Variants in SETD2 observed in about 807,000 individuals in gnomAD.
The protein encoded by SETD2 is SET domain containing 2, histone lysine methyltransferase.
SETD2 carries 31 observed loss-of-function variants against 242.1 expected under a neutral mutation model. The ratio of observed to expected loss-of-function variants is 0.13; its 90% confidence interval spans 0.10 to 0.17. The LOEUF (loss-of-function observed/expected upper bound fraction) is 0.17, where lower values mean the gene tolerates loss of function less well. Among genes scored for constraint, SETD2 ranks in the 10% least tolerant of loss-of-function variants. The pLI is 1.00. For synonymous variants in SETD2, 1,006 were observed against 1,066.5 expected (o/e 0.94, Z 1.11); for missense variants, 2,481 against 3,046.3 (o/e 0.81, Z 4.37).
intron 17 of SETD2, among the ~76,000 whole-genome samples, chr3:47,040,654 AGAT>A (rs1216947155): frequency 7.1e-6 from 1 of 141,542 alleles, no homozygotes; most frequent in East Asian, 2.1e-4. Flanking sequence ...GGCTCACTAC[AGAT>A]CTGACCTCCT....
In SETD2 at chr3:47,086,199, T is replaced by A; in HGVS notation, c.5393A>T (p.Glu1798Val). Reference sequence around the variant, plus strand: ...GCAAGCTAAATGTGAACTGACCTCTTCCTGAAGCTTCTGGTTACTTTCCCG... The same window carrying A: ...GCAAGCTAAATGTGAACTGACCTCTACCTGAAGCTTCTGGTTACTTTCCCG... ...DGRESNQKLQ[E>V]EIIKTLEHLP... The change falls in exon 11 of 21, where the codon GAA (glutamate) becomes GTA (valine). Residue 1798 changes from glutamate to valine, a missense_variant. Transcript: ENST00000409792. 1 of 1,612,714 alleles carries A rather than the reference T, an allele frequency of 6.2e-7. No homozygotes were observed. Among genetic ancestry groups the A allele is most frequent in the Non-Finnish European group, 8.5e-7 (1 of 1,179,054 alleles).
chr3:47,128,558 G>A (rs761018869), intron 1 of SETD2, among the ~76,000 whole-genome samples: 14 of 152,190 alleles, frequency 9.2e-5, no homozygotes, highest in Non-Finnish European at 1.9e-4. Context: ...GCCAGTGTCT[G>A]TGGTAGCCAT....
At chr3:47,042,320 C>A (rs2107538309) in intron 17 of SETD2, among the ~76,000 whole-genome samples, 1 of 152,322 alleles carries the variant, frequency 6.6e-6, no homozygotes, top group East Asian at 1.9e-4. Context: ...TGAGATCACA[C>A]CACTGTACTC....
Position 47,037,629 on chromosome 3 carries a change from C to T in SETD2, c.7350+37G>A, listed in dbSNP as rs777414704. On this transcript the variant is annotated intron_variant, in intron 18 of 20. Transcript: ENST00000409792. ...TGCGGGATGGTCTTGGACGGACTCC[C>T]AAATGATCAGGAAATACATGTGTAA... 1.0e-5 allele frequency: 16 copies of T among 1,529,212 alleles called. No homozygotes were observed. In the East Asian group the frequency reaches 3.6e-4, roughly 34 times the overall value. The allele number at this position is 1,529,212 out of a possible 1,614,324, so 94.7% of individuals were successfully genotyped here.
intron 5 of SETD2, among the ~76,000 whole-genome samples, chr3:47,111,835 T>C (rs1179135148): frequency 3.3e-5 from 5 of 151,458 alleles, no homozygotes; most frequent in Non-Finnish European, 7.4e-5. Flanking sequence ...GGGAAAACAG[T>C]GAGAAAAAAA....
chr3:47,035,050 C>T (rs1383711443), intron 18 of SETD2, among the ~76,000 whole-genome samples: 4 of 152,202 alleles, frequency 2.6e-5, no homozygotes, highest in Non-Finnish European at 4.4e-5. Flanking sequence ...TCAAACATAA[C>T]CTGACAAATA....
At position 47,017,969 on chromosome 3, in the gene SETD2, C is replaced by G. The variant is rs755385318; in HGVS notation, c.7432-230G>C. ...AGCTCCCCTGGATGGACTAAGCAAG[C>G]CTTAAAGGAGGCTGGAGGGACTCAA... On this transcript the variant is annotated intron_variant, in intron 19 of 20. Transcript: ENST00000409792. The surrounding 1 kb of genome is among the most constrained non-coding windows in gnomAD (Gnocchi z 4.8). Among the ~76,000 whole-genome samples, 1 of 152,074 alleles carries G rather than the reference C, an allele frequency of 6.6e-6. No homozygotes were observed. The highest frequency in any genetic ancestry group is 2.4e-5 in the African/African-American group (1 of 41,390).
At chr3:47,061,305 C>G (rs1258762892) in intron 14 of SETD2, among the ~76,000 whole-genome samples, 2 of 152,110 alleles carry the variant, frequency 1.3e-5, no homozygotes, top group Non-Finnish European at 2.9e-5. Context: ...GGCATAAAAA[C>G]AGACACATAG....
In SETD2 at chr3:47,120,178, T is replaced by A. The variant is rs2107738764; in HGVS notation, c.4454+4A>T. On this transcript the variant is annotated splice_donor_region_variant and intron_variant, in intron 3 of 20. Coordinates refer to ENST00000409792, the MANE Select transcript of SETD2 (RefSeq NM_014159.7). ...TTTGTCAAACAAGTATTAATTAGACTTACCTTTCTGTTAAATAAACATTTT... is the reference window on the plus strand; with the variant it reads ...TTTGTCAAACAAGTATTAATTAGACATACCTTTCTGTTAAATAAACATTTT... 2 of 1,521,124 alleles carry A rather than the reference T, an allele frequency of 1.3e-6. No homozygotes were observed. Among genetic ancestry groups the A allele is most frequent in the South Asian group, 1.3e-5 (1 of 76,838 alleles). 94.2% of individuals were successfully genotyped at this position (1,521,124 alleles called of 1,614,324 possible). A position where few individuals can be genotyped will look rare whatever the true frequency, so the allele number is the denominator to read the frequency against.
chr3:47,162,985 T>C (rs576762715), intron 1 of SETD2, among the ~76,000 whole-genome samples: 14 of 152,198 alleles, frequency 9.2e-5, no homozygotes, highest in Non-Finnish European at 1.8e-4. Flanking sequence ...CTTTAGAGAA[T>C]CCTCAAACGA....
rs2107588268 is a variant in SETD2 at position 47,062,144 on chromosome 3, A to G, written c.6293+19T>C. 1 of 1,600,236 alleles carries G rather than the reference A, an allele frequency of 6.2e-7. No individual in the cohort carries two copies. Among genetic ancestry groups the G allele is most frequent in the Non-Finnish European group, 8.5e-7 (1 of 1,176,152 alleles). On this transcript the variant is annotated intron_variant, in intron 14 of 20. Coordinates refer to ENST00000409792, the MANE Select transcript of SETD2 (RefSeq NM_014159.7). Reference sequence around the variant, plus strand: ...TCAAAACAAAAACAAAAACAAAAAAACTCACACAGGCCACTTACCTGTCAT... The same window carrying G: ...TCAAAACAAAAACAAAAACAAAAAAGCTCACACAGGCCACTTACCTGTCAT...
intron 13 of SETD2, among the ~76,000 whole-genome samples, chr3:47,066,744 T>C (rs1457021296): frequency 7.0e-6 from 1 of 142,604 alleles, no homozygotes; most frequent in African/African-American, 2.5e-5. Flanking sequence ...AAAAAAAAAA[T>C]CAAAATCACA....
At chr3:47,157,026 T>C (rs1276479458) in intron 1 of SETD2, among the ~76,000 whole-genome samples, 2 of 152,054 alleles carry the variant, frequency 1.3e-5, no homozygotes, top group Admixed American at 1.3e-4. Flanking sequence ...CCAGCACTTT[T>C]GGGAAGCCGA....
chr3:47,120,136 C>CA (rs752942445), intron 3 of SETD2, 46 bp downstream of exon 3: 5 of 1,409,188 alleles, frequency 3.5e-6, no homozygotes, highest in South Asian at 1.4e-5. Flanking sequence ...TTTCTAACAA[C>CA]AAAAAAAGAG....
intron 12 of SETD2, 38 bp from the exon 13 acceptor site, chr3:47,067,156 G>C: frequency 6.9e-7 from 1 of 1,454,954 alleles, no homozygotes; most frequent in Non-Finnish European, 9.7e-7. Context: ...TATTAGTGAG[G>C]GTGGAAATGG....
At chr3:47,051,702 T>A (rs149538214) in intron 15 of SETD2, among the ~76,000 whole-genome samples, 100 of 150,320 alleles carry the variant, frequency 6.7e-4, no homozygotes, top group African/African-American at 2.3e-3. Context: ...TATAAAATAA[T>A]AAAAAAGCTA....
intron 18 of SETD2, among the ~76,000 whole-genome samples, chr3:47,030,396 G>A (rs2038709890): frequency 6.6e-6 from 1 of 152,092 alleles, no homozygotes; most frequent in Non-Finnish European, 1.5e-5. Context: ...GAAGCACAGG[G>A]AGAAAAGAGC....
rs539490511 is a variant in SETD2 at position 47,080,554 on chromosome 3, G to T, written c.6060+3166C>A. On this transcript the variant is annotated intron_variant, in intron 12 of 20. Transcript: ENST00000409792. ...GTAACCAGCTGTTTTGCCCTATGAAGTCTAGGGTATATTTTCAGCATGAAG... is the reference window on the plus strand; with the variant it reads ...GTAACCAGCTGTTTTGCCCTATGAATTCTAGGGTATATTTTCAGCATGAAG... Among the ~76,000 whole-genome samples the T allele has an allele frequency of 1.6e-3, 246 of 152,224 alleles. 2 individuals carry two copies. Among genetic ancestry groups the T allele is most frequent in the African/African-American group, 5.6e-3 (231 of 41,534 alleles).
rs1263290968 is a variant in SETD2, at chr3:47,042,498, A to G, written c.7238+63T>C. The G allele has an allele frequency of 3.8e-6, 6 of 1,560,298 alleles. No homozygotes were observed. The East Asian group carries it at 1.1e-4, about 29-fold the overall frequency. Reference sequence around the variant, plus strand: ...AGTTTACAACTGTAAAACTCCCCTTATAGTGGCAACTTCTTTGATTAAGTA... The same window carrying G: ...AGTTTACAACTGTAAAACTCCCCTTGTAGTGGCAACTTCTTTGATTAAGTA... On this transcript the variant is annotated intron_variant, in intron 17 of 20. Coordinates refer to ENST00000409792, the MANE Select transcript of SETD2 (RefSeq NM_014159.7).
Sources: gnomAD v4.1 joint callset for allele counts (sites outside exome capture counted in the v4.1 genomes callset) on GRCh38, gnomAD v4.1.1 for gene constraint, Gnocchi (gnomAD v3.1) non-coding constraint, MANE v1.5 for transcripts, NCBI Gene and HGNC (gene_info 2026-07-23, HGNC 2026-07-21) for gene names.